The following MED12L variants were observed in gnomAD, a reference collection of about 807,000 sequenced individuals.
MED12L encodes the protein mediator complex subunit 12L.
A neutral mutation model predicts 281.3 loss-of-function variants in MED12L; 60 were observed. The observed-to-expected ratio is 0.21, with a 90% CI of 0.17 to 0.26. The LOEUF (loss-of-function observed/expected upper bound fraction) is 0.26. MED12L is among the 10% of genes least tolerant of loss of function. MED12L has a pLI of 1.00. For synonymous variants in MED12L, 974 were observed against 987.2 expected (o/e 0.99, Z 0.25); for missense variants, 2,146 against 2,680.9 (o/e 0.80, Z 4.41).
chr3:151,323,466 G>C (rs962259034), intron 16 of MED12L, among the ~76,000 whole-genome samples: 3 of 152,154 alleles, frequency 2.0e-5, no homozygotes, highest in African/African-American at 4.8e-5. Flanking sequence ...TATTCCCTAT[G>C]TCATGTGCTG....
At chr3:151,238,352 G>C (rs944673326) in intron 16 of MED12L, among the ~76,000 whole-genome samples, 8 of 152,122 alleles carry the variant, frequency 5.3e-5, no homozygotes, top group African/African-American at 1.9e-4. Flanking sequence ...TCACCTTGTT[G>C]GTCAGGCTGG....
chr3:151,277,537 C>G (rs572374515), intron 16 of MED12L, among the ~76,000 whole-genome samples: 25 of 152,026 alleles, frequency 1.6e-4, no homozygotes, highest in Admixed American at 1.4e-3. Context: ...ATTGATTGTC[C>G]TTGGTTAACA....
At chr3:151,181,384 A>G (rs1722674022) in intron 11 of MED12L, among the ~76,000 whole-genome samples, 1 of 151,962 alleles carries the variant, frequency 6.6e-6, no homozygotes. Context: ...GTGCTTTTAT[A>G]TAAATGTAGA....
chr3:151,232,444 C>T lies in MED12L; in HGVS notation c.2250+38778C>T, dbSNP rs141250408. 3.4e-3 allele frequency among the ~76,000 whole-genome samples: 520 copies of T among 152,200 alleles called. 3 individuals carry two copies. The highest frequency in any genetic ancestry group is 0.012 in the African/African-American group (494 of 41,512). ...AGCCATCCCATTACTGGGTATAAAC[C>T]CAGAGGAATAGAAATCATCCTACCA... is the stretch of plus-strand genomic sequence containing the variant. On this transcript the variant is annotated intron_variant, in intron 16 of 44. Transcript: ENST00000687756.
intron 16 of MED12L, among the ~76,000 whole-genome samples, chr3:151,274,573 T>G (rs1416911118): frequency 2.0e-5 from 3 of 152,226 alleles, no homozygotes; most frequent in Non-Finnish European, 4.4e-5. Context: ...TTTTTCATAT[T>G]CTGTTTTTGT....
rs768054844 is a variant in MED12L at position 151,378,114 on chromosome 3, G to A, written c.4419G>A (p.Glu1473=). The change falls in exon 31 of 45, where the codon GAG becomes GAA. Residue 1473 remains glutamate (E), a synonymous_variant. Coordinates refer to ENST00000687756, the MANE Select transcript of MED12L (RefSeq NM_001393769.1). ...TGAAAGCCGCTGGGGAAGAGCTGGA[G>A]AAGGGACAGCACTTGGGTTCTTCTT... ...RVLKAAGEEL[E]KGQHLGSSSK... The A allele has an allele frequency of 2.5e-6, 4 of 1,612,474 alleles. No homozygotes were observed. Among genetic ancestry groups the A allele is most frequent in the Non-Finnish European group, 3.4e-6 (4 of 1,179,014 alleles).
intron 11 of MED12L, among the ~76,000 whole-genome samples, chr3:151,169,116 T>G (rs1451306033): frequency 7.6e-5 from 11 of 143,872 alleles, no homozygotes; most frequent in South Asian, 2.1e-4. Context: ...GTTTTTTTTT[T>G]TTTTTGTTTT....
intron 16 of MED12L, among the ~76,000 whole-genome samples, chr3:151,322,793 C>G (rs1201417438): frequency 6.6e-6 from 1 of 152,132 alleles, no homozygotes; most frequent in Non-Finnish European, 1.5e-5. Flanking sequence ...TCCCCTGTTC[C>G]TCTTCTGTCT....
rs529767894 is a variant in MED12L at position 151,193,358 on chromosome 3, TA to T, written c.2074-131del. ...TGTGGAAATTAACACAATTTCTTCA[TA>T]TTTTTTTGCTAAGTGGTTAAGTAGG... is the stretch of plus-strand genomic sequence containing the variant. On this transcript the variant is annotated intron_variant, in intron 15 of 44. Coordinates refer to ENST00000687756, the MANE Select transcript of MED12L (RefSeq NM_001393769.1). 1.1e-4 allele frequency: 68 copies of T among 627,896 alleles called. No homozygotes were observed. The East Asian group carries it at 1.1e-3, about 10-fold the overall frequency. 38.9% of individuals were successfully genotyped at this position (627,896 alleles called of 1,614,324 possible).
chr3:151,405,280 T>C (rs1249473275), intron 39 of MED12L, among the ~76,000 whole-genome samples: 1 of 152,230 alleles, frequency 6.6e-6, no homozygotes, highest in Non-Finnish European at 1.5e-5. Context: ...TGTAGGAATT[T>C]ACCTCAGGTA....
At chr3:151,250,249 T>G (rs1330567379) in intron 16 of MED12L, among the ~76,000 whole-genome samples, 2 of 152,158 alleles carry the variant, frequency 1.3e-5, no homozygotes, top group Non-Finnish European at 2.9e-5. Flanking sequence ...AGATTTTTTT[T>G]GTCTTTGAGG....
intron 16 of MED12L, among the ~76,000 whole-genome samples, chr3:151,346,585 G>A (rs997069514): frequency 7.2e-5 from 11 of 152,096 alleles, no homozygotes; most frequent in African/African-American, 1.9e-4. Flanking sequence ...CTCACTGGAC[G>A]TTGTCAGTGA....
At chr3:151,213,383 T>A (rs747410948) in intron 16 of MED12L, 3 of 1,613,844 alleles carry the variant, frequency 1.9e-6, no homozygotes, top group Non-Finnish European at 1.7e-6. Context: ...TTTAATGGAA[T>A]GTGCAATTTC....
At chr3:151,198,435 TA>T (rs1256288958) in intron 16 of MED12L, 2 of 1,603,472 alleles carry the variant, frequency 1.2e-6, no homozygotes, top group Non-Finnish European at 1.7e-6. Context: ...TTTTATGCAT[TA>T]TTTTCACATC....
chr3:151,328,000 G>A (rs377300847), intron 16 of MED12L: 6 of 1,565,476 alleles, frequency 3.8e-6, no homozygotes, highest in African/African-American at 1.4e-5. Context: ...GTCAGCCTAA[G>A]GTTATGTTGT....
intron 43 of MED12L, among the ~76,000 whole-genome samples, chr3:151,428,016 C>G (rs1719062327): frequency 1.3e-5 from 2 of 152,192 alleles, no homozygotes; most frequent in Admixed American, 1.3e-4. Context: ...ACATGAGGCT[C>G]TTTTCATTTA....
chr3:151,234,942 C>T lies in MED12L; in HGVS notation c.2250+41276C>T, dbSNP rs560539491. Among the ~76,000 whole-genome samples the T allele has an allele frequency of 2.6e-5, 4 of 152,328 alleles. No homozygotes were observed. The Middle Eastern group carries it at 0.01, about 389-fold the overall frequency. ...CAGCCTGAAGCAGCAAACGTTCCAG[C>T]GAACTTTCTTCTATCTCTTCTATTT... is the stretch of plus-strand genomic sequence containing the variant. On this transcript the variant is annotated intron_variant, in intron 16 of 44. Coordinates refer to ENST00000687756, the MANE Select transcript of MED12L (RefSeq NM_001393769.1).
chr3:151,337,984 A>G, intron 16 of MED12L: 1 of 1,614,150 alleles, frequency 6.2e-7, no homozygotes, highest in Non-Finnish European at 8.5e-7. Flanking sequence ...GCATTTAAGG[A>G]AGTTAACCAC....
chr3:151,419,381 A>G (rs1048292708), intron 43 of MED12L, among the ~76,000 whole-genome samples: 2 of 152,190 alleles, frequency 1.3e-5, no homozygotes, highest in South Asian at 4.1e-4. Context: ...TGAGGGCAGG[A>G]AGCATCCAAC....
Sources: gnomAD v4.1 joint callset for allele counts (sites outside exome capture counted in the v4.1 genomes callset) on GRCh38, gnomAD v4.1.1 for gene constraint, MANE v1.5 for transcripts, NCBI Gene and HGNC (gene_info 2026-07-23, HGNC 2026-07-21) for gene names.